The following APCDD1 variants were observed in gnomAD, a reference collection of about 807,000 sequenced individuals.
APCDD1 encodes the protein APC down-regulated 1.
A neutral mutation model predicts 38.1 loss-of-function variants in APCDD1; 15 were observed. The observed-to-expected ratio is 0.39, with a 90% confidence interval of 0.26 to 0.61. The LOEUF (loss-of-function observed/expected upper bound fraction) is 0.61. Ranked by LOEUF, APCDD1 falls within the 20% of genes least tolerant of loss-of-function variation. APCDD1 has a pLI of 0.49. For synonymous variants in APCDD1, 261 were observed against 279.7 expected (o/e 0.93, Z 0.67); for missense variants, 647 against 696.2 (o/e 0.93, Z 0.79).
chr18:10,487,357 T>C (rs1312592729), intron 4 of APCDD1, among the ~76,000 whole-genome samples: 4 of 152,210 alleles, frequency 2.6e-5, no homozygotes. Flanking sequence ...CTGTGTTGCA[T>C]GGCCACACCT....
At chr18:10,482,212 A>G (rs1296825303) in intron 3 of APCDD1, among the ~76,000 whole-genome samples, 1 of 152,224 alleles carries the variant, frequency 6.6e-6, no homozygotes, top group African/African-American at 2.4e-5. Context: ...GACAAATTAA[A>G]TCTTTTCAGG....
At chr18:10,455,186 C>A (rs1160253646) in intron 1 of APCDD1, 147 bp downstream of exon 1, 4 of 1,358,846 alleles carry the variant, frequency 2.9e-6, no homozygotes, top group Non-Finnish European at 3.9e-6. Context: ...CCGCGCCTGC[C>A]GTCTCAGCCC....
chr18:10,488,133 T>C lies in APCDD1; in HGVS notation c.*95T>C. 6.9e-7 allele frequency: 1 copy of C among 1,443,746 alleles called. No homozygotes were observed. Among genetic ancestry groups the C allele is most frequent in the East Asian group, 2.4e-5 (1 of 41,704 alleles). 89.4% of individuals were successfully genotyped at this position (1,443,746 alleles called of 1,614,324 possible). Reference sequence around the variant, plus strand: ...AAAGACATTTATTCTTTTGATGCACTTGAATGCCAGAGAACTGTCCTTCTT... The same window carrying C: ...AAAGACATTTATTCTTTTGATGCACCTGAATGCCAGAGAACTGTCCTTCTT... On this transcript the variant is annotated 3_prime_UTR_variant, in exon 5 of 5. Transcript: ENST00000355285.
rs768313678 is a variant in APCDD1 at position 10,471,772 on chromosome 18, A to G, written c.485A>G (p.Lys162Arg). The G allele has an allele frequency of 7.4e-6, 12 of 1,613,110 alleles. No homozygotes were observed. In the East Asian group the frequency reaches 1.1e-4, roughly 15 times the overall value. Residue 162 changes from lysine to arginine, a missense_variant, in exon 3 of 5, where the codon AAG becomes AGG. By Grantham distance (26) the Lys-to-Arg change is conservative. Transcript: ENST00000355285. This position sits in a 1 kb window ranked among gnomAD's most constrained non-coding sequence, Gnocchi z 5.5. Reference sequence around the variant, plus strand: ...TGCCACACAGAGGCGGTGGCCGAGAAGCTCGGCCAGCAGGTGAACCGCACA... The same window carrying G: ...TGCCACACAGAGGCGGTGGCCGAGAGGCTCGGCCAGCAGGTGAACCGCACA... ...VICHTEAVAE[K>R]LGQQVNRTCP...
intron 1 of APCDD1, among the ~76,000 whole-genome samples, chr18:10,456,250 A>G (rs1567999860): frequency 6.6e-6 from 1 of 152,184 alleles, no homozygotes; most frequent in Non-Finnish European, 1.5e-5. Context: ...TGATCCCAGA[A>G]TTTTAACAGT....
In APCDD1 at chr18:10,487,994, C is replaced by T. The variant is rs751047442; in HGVS notation, c.1501C>T (p.Leu501Phe). 14 of 1,613,798 alleles carry T rather than the reference C, an allele frequency of 8.7e-6. No individual in the cohort carries two copies. The highest frequency in any genetic ancestry group is 1.6e-4 in the Middle Eastern group (1 of 6,082). ...RHTWSLLLAA[L>F]ACLVPLLHWN... ...CACCTGGTCCCTGCTGCTGGCTGCA[C>T]TTGCCTGCCTTGTCCCTCTGCTGCA... The change falls in exon 5 of 5, where the codon CTT becomes TTT. Residue 501 changes from leucine (L) to phenylalanine (F), a missense_variant. By Grantham distance (22) the Leu-to-Phe change is conservative (BLOSUM62 0). Coordinates refer to ENST00000355285, the MANE Select transcript of APCDD1 (RefSeq NM_153000.5).
At chr18:10,466,649 G>C (rs2030721734) in intron 1 of APCDD1, among the ~76,000 whole-genome samples, 1 of 152,222 alleles carries the variant, frequency 6.6e-6, no homozygotes, top group Non-Finnish European at 1.5e-5. Flanking sequence ...GGGAGGGGGA[G>C]GGAATGCCCA....
chr18:10,456,934 C>G (rs1020600540), intron 1 of APCDD1, among the ~76,000 whole-genome samples: 1 of 152,074 alleles, frequency 6.6e-6, no homozygotes, highest in African/African-American at 2.4e-5. Context: ...GGAGACAGAC[C>G]GTGTGCGTGC....
In APCDD1 at chr18:10,485,901, T is replaced by TG; in HGVS notation, c.1096+122dup. The TG allele has an allele frequency of 8.6e-7, 1 of 1,163,148 alleles. No individual in the cohort carries two copies. Among genetic ancestry groups the TG allele is most frequent in the Non-Finnish European group, 1.2e-6 (1 of 807,678 alleles). 72.1% of individuals were successfully genotyped at this position (1,163,148 alleles called of 1,614,324 possible). A position where few individuals can be genotyped will look rare whatever the true frequency, so the allele number is the denominator to read the frequency against. On this transcript the variant is annotated intron_variant, in intron 4 of 4. Transcript: ENST00000355285. The surrounding 1 kb of genome is among the most constrained non-coding windows in gnomAD (Gnocchi z 5.8). ...CTGCCTGAGTTCCCAGGAAAGAAAT[T>TG]GGGGAGTCATTTCTGCCTCAGTCCT...
intron 1 of APCDD1, among the ~76,000 whole-genome samples, chr18:10,463,305 C>T (rs565985172): frequency 1.3e-5 from 2 of 152,230 alleles, no homozygotes; most frequent in East Asian, 3.9e-4. Context: ...ACCGAGACTC[C>T]CTGGGGCAAA....
chr18:10,466,917 A>C (rs2030730287), intron 1 of APCDD1, among the ~76,000 whole-genome samples: 1 of 152,202 alleles, frequency 6.6e-6, no homozygotes, highest in Non-Finnish European at 1.5e-5. Flanking sequence ...TTAGTTGAGT[A>C]ATACCCTTAG....
At position 10,454,791 on chromosome 18, in the gene APCDD1, G is replaced by C. The variant is rs561727777; in HGVS notation, c.-191G>C. Reference sequence around the variant, plus strand: ...CGGGCCGGGGCGCCCACAGCCGCCCGACGGCGCCCAGAGAGCGCGCGCCCC... The same window carrying C: ...CGGGCCGGGGCGCCCACAGCCGCCCCACGGCGCCCAGAGAGCGCGCGCCCC... On this transcript the variant is annotated 5_prime_UTR_variant, in exon 1 of 5. Coordinates refer to ENST00000355285, the MANE Select transcript of APCDD1 (RefSeq NM_153000.5). The C allele has an allele frequency of 1.0e-5, 10 of 980,874 alleles. No individual in the cohort carries two copies. The South Asian group carries it at 4.2e-4, about 41-fold the overall frequency. 60.8% of individuals were successfully genotyped at this position (980,874 alleles called of 1,614,324 possible).
At position 10,469,555 on chromosome 18, in the gene APCDD1, T is replaced by C. The variant is rs1316524019; in HGVS notation, c.242+903T>C. Among the ~76,000 whole-genome samples, 1 of 152,246 alleles carries C rather than the reference T, an allele frequency of 6.6e-6. No homozygotes were observed. Among genetic ancestry groups the C allele is most frequent in the Admixed American group, 6.5e-5 (1 of 15,286 alleles). ...AACACTATTTTAAGTTTTGTTTATA[T>C]AGCAGTGAACAAAACAGACCTGGTC... On this transcript the variant is annotated intron_variant, in intron 2 of 4. Coordinates refer to ENST00000355285, the MANE Select transcript of APCDD1 (RefSeq NM_153000.5). This position sits in a 1 kb window ranked among gnomAD's most constrained non-coding sequence, Gnocchi z 5.5.
chr18:10,488,097 T>A lies in APCDD1; in HGVS notation c.*59T>A, dbSNP rs1357880095. 4.4e-6 allele frequency: 7 copies of A among 1,591,290 alleles called. No homozygotes were observed. The highest frequency in any genetic ancestry group is 1.3e-5 in the African/African-American group (1 of 74,508). On this transcript the variant is annotated 3_prime_UTR_variant, in exon 5 of 5. Coordinates refer to ENST00000355285, the MANE Select transcript of APCDD1 (RefSeq NM_153000.5). ...ATTCCTTACTATTGACAGATTTGCTTTACCAAAAGAAAAGACATTTATTCT... is the reference window on the plus strand; with the variant it reads ...ATTCCTTACTATTGACAGATTTGCTATACCAAAAGAAAAGACATTTATTCT...
chr18:10,479,460 T>G (rs1202737967), intron 3 of APCDD1, among the ~76,000 whole-genome samples: 2 of 152,220 alleles, frequency 1.3e-5, no homozygotes, highest in African/African-American at 4.8e-5. Flanking sequence ...CAGATGTTGA[T>G]GAACCACCTT....
intron 1 of APCDD1, among the ~76,000 whole-genome samples, chr18:10,463,687 C>A (rs1308552588): frequency 1.3e-5 from 2 of 152,220 alleles, no homozygotes; most frequent in Admixed American, 6.5e-5. Flanking sequence ...ATACCACTTG[C>A]AGTGGTGAAC....
At chr18:10,479,703 A>G (rs559062358) in intron 3 of APCDD1, among the ~76,000 whole-genome samples, 54 of 152,266 alleles carry the variant, frequency 3.5e-4, no homozygotes, top group South Asian at 2.1e-3. Flanking sequence ...CAGGTGCCTT[A>G]GTTGCCTCGT....
chr18:10,471,425 C>T lies in APCDD1; in HGVS notation c.243-105C>T, dbSNP rs1232637648. The T allele has an allele frequency of 8.4e-6, 12 of 1,436,050 alleles. No homozygotes were observed. The highest frequency in any genetic ancestry group is 4.8e-5 in the South Asian group (4 of 83,516). The allele number at this position is 1,436,050 out of a possible 1,614,324, so 89.0% of individuals were successfully genotyped here. A position where few individuals can be genotyped will look rare whatever the true frequency, so the allele number is the denominator to read the frequency against. ...GGGCTGACAACAGAGTCTGGCCCAT[C>T]GTCAGCACTTTATTATTATTTCTGT... On this transcript the variant is annotated intron_variant, in intron 2 of 4. Coordinates refer to ENST00000355285, the MANE Select transcript of APCDD1 (RefSeq NM_153000.5). The surrounding 1 kb of genome is among the most constrained non-coding windows in gnomAD (Gnocchi z 5.5).
intron 1 of APCDD1, among the ~76,000 whole-genome samples, chr18:10,456,450 G>A (rs1261470930): frequency 6.6e-6 from 1 of 151,838 alleles, no homozygotes; most frequent in Non-Finnish European, 1.5e-5. Flanking sequence ...GATGAAACAG[G>A]AAACATTGTC....
Sources: allele counts gnomAD v4.1 joint callset (sites outside exome capture counted in the v4.1 genomes callset), GRCh38; gene constraint gnomAD v4.1.1; non-coding constraint Gnocchi (gnomAD v3.1); transcripts MANE v1.5; gene names NCBI Gene and HGNC (gene_info 2026-07-23, HGNC 2026-07-21).